Variants in MICAL2 observed in about 807,000 individuals in gnomAD.
MICAL2 encodes the protein microtubule associated monooxygenase, calponin and LIM domain containing 2, also known as [F-actin]-monooxygenase MICAL2.
Under a neutral mutation model 127.3 loss-of-function variants are expected in MICAL2, and 77 were observed. The ratio of observed to expected loss-of-function variants is 0.60; its 90% confidence interval spans 0.50 to 0.73. The LOEUF (loss-of-function observed/expected upper bound fraction) is 0.73. Ranked by LOEUF, MICAL2 falls within the 30% of genes least tolerant of loss-of-function variation. MICAL2 has a pLI of 0.00. For synonymous variants in MICAL2, 570 were observed against 551.1 expected, an observed-to-expected ratio of 1.03 and a Z score of -0.48; for missense variants, 1,351 against 1,434.4, an observed-to-expected ratio of 0.94 and a Z score of 0.94.
rs115811924 is a variant in MICAL2, at chr11:12,119,648, C to A, written c.-149+8922C>A. Among the ~76,000 whole-genome samples, 994 of 152,302 alleles carry A rather than the reference C, an allele frequency of 6.5e-3. 15 individuals carry two copies. Among genetic ancestry groups the A allele is most frequent in the African/African-American group, 0.023 (939 of 41,576 alleles). On this transcript the variant is annotated intron_variant, in intron 1 of 27. Transcript: ENST00000683283. Reference sequence around the variant, plus strand: ...GTGGTTGAGGCCCGCCCTCATAGGCCGCCTGCGGATTGGCTGGGAGATCTC... The same window carrying A: ...GTGGTTGAGGCCCGCCCTCATAGGCAGCCTGCGGATTGGCTGGGAGATCTC...
chr11:12,231,436 T>G (rs1484001253), intron 15 of MICAL2, among the ~76,000 whole-genome samples: 1 of 152,020 alleles, frequency 6.6e-6, no homozygotes, highest in Non-Finnish European at 1.5e-5. Context: ...GTGGTCCAGG[T>G]CCCCCTCCCC....
chr11:12,277,299 C>T (rs572471963), intron 1 of MICAL2, among the ~76,000 whole-genome samples: 23 of 152,008 alleles, frequency 1.5e-4, no homozygotes, highest in Non-Finnish European at 2.6e-4. Flanking sequence ...GGCTTGACAA[C>T]GCACAGTGCT....
At chr11:12,206,478 G>C (rs1281523613) in intron 4 of MICAL2, among the ~76,000 whole-genome samples, 1 of 152,198 alleles carries the variant, frequency 6.6e-6, no homozygotes, top group African/African-American at 2.4e-5. Context: ...GAACCGTACT[G>C]AGTAGGAACC....
At chr11:12,320,426 T>A (rs1864279989) in intron 30 of MICAL2, among the ~76,000 whole-genome samples, 1 of 152,270 alleles carries the variant, frequency 6.6e-6, no homozygotes, top group Non-Finnish European at 1.5e-5. Context: ...TATAAATGTG[T>A]CTGTATGTCA....
rs1420986802 is a variant in MICAL2, at chr11:12,244,261, G to A, written c.2784+149G>A. On this transcript the variant is annotated intron_variant, in intron 21 of 27. Transcript: ENST00000683283. ...TTACACCAGTGCTGGATTCAATTTT[G>A]TTTTTGTGTTAGAGCACACAACACG... The A allele has an allele frequency of 4.5e-5, 52 of 1,157,786 alleles. No individual in the cohort carries two copies. In the South Asian group the frequency reaches 6.6e-4, roughly 15 times the overall value. The allele number at this position is 1,157,786 out of a possible 1,614,324, so 71.7% of individuals were successfully genotyped here. A position where few individuals can be genotyped will look rare whatever the true frequency, so the allele number is the denominator to read the frequency against.
intron 30 of MICAL2, among the ~76,000 whole-genome samples, chr11:12,321,707 G>A (rs1202461283): frequency 1.3e-5 from 2 of 152,074 alleles, no homozygotes; most frequent in African/African-American, 2.4e-5. Flanking sequence ...TTAATAAAAG[G>A]CAATACATGA....
intron 32 of MICAL2, among the ~76,000 whole-genome samples, chr11:12,344,978 G>A (rs549863976): frequency 6.6e-6 from 1 of 151,856 alleles, no homozygotes; most frequent in East Asian, 2.0e-4. Context: ...CTGGTGTTGT[G>A]GTGGGCGCCT....
At chr11:12,180,770 T>TTAGCATC (rs1857362939) in intron 3 of MICAL2, among the ~76,000 whole-genome samples, 1 of 150,590 alleles carries the variant, frequency 6.6e-6, no homozygotes, top group Non-Finnish European at 1.5e-5. Context: ...GTCCTAGACT[T>TTAGCATC]TAGTTGCTCA....
At chr11:12,298,605 A>G (rs1864012621) in intron 29 of MICAL2, among the ~76,000 whole-genome samples, 1 of 152,162 alleles carries the variant, frequency 6.6e-6, no homozygotes, top group South Asian at 2.1e-4. Flanking sequence ...TTCCCAGTTA[A>G]GCATGGTAAC....
At position 12,261,984 on chromosome 11, in the gene MICAL2, G is replaced by C. The variant is rs538506324; in HGVS notation, c.3335-496G>C. On this transcript the variant is annotated intron_variant, in intron 26 of 27. Coordinates refer to ENST00000683283, the MANE Select transcript of MICAL2 (RefSeq NM_001282663.2). ...AGGATAGGCTGAGATGCTTTGTGGA[G>C]TGTTCCATGAAGCCCGAGTCGGAAT... 6.0e-6 allele frequency: 6 copies of C among 998,904 alleles called. No individual in the cohort carries two copies. The African/African-American group carries it at 1.0e-4, about 17-fold the overall frequency. 61.9% of individuals were successfully genotyped at this position (998,904 alleles called of 1,614,324 possible). A position where few individuals can be genotyped will look rare whatever the true frequency, so the allele number is the denominator to read the frequency against.
At chr11:12,199,379 C>T (rs536761001) in intron 3 of MICAL2, among the ~76,000 whole-genome samples, 7 of 152,268 alleles carry the variant, frequency 4.6e-5, no homozygotes, top group Admixed American at 2.6e-4. Flanking sequence ...AGCTGGAGAA[C>T]GCCACACCCT....
intron 2 of MICAL2, among the ~76,000 whole-genome samples, chr11:12,149,296 C>T (rs1378098677): frequency 4.6e-5 from 7 of 152,072 alleles, no homozygotes; most frequent in East Asian, 1.9e-4. Context: ...GGCTGGATCA[C>T]GAAGGTAGTT....
downstream of MICAL2, among the ~76,000 whole-genome samples, chr11:12,267,200 G>A (rs998278742): frequency 2.6e-5 from 4 of 152,108 alleles, no homozygotes; most frequent in Non-Finnish European, 2.9e-5. Flanking sequence ...GTGAGTGCCC[G>A]AGTCTCAGCA....
intron 22 of MICAL2, chr11:12,252,614 G>C (rs1861699986): frequency 3.3e-5 from 5 of 152,224 alleles, no homozygotes; most frequent in Admixed American, 3.3e-4. Context: ...TCCCTGCTCA[G>C]CCCTATTTAG....
intron 33 of MICAL2, among the ~76,000 whole-genome samples, chr11:12,350,908 C>G (rs1939032644): frequency 6.6e-6 from 1 of 152,144 alleles, no homozygotes; most frequent in Non-Finnish European, 1.5e-5. Flanking sequence ...TGCAGAAACA[C>G]AAGGAAGGAC....
chr11:12,141,729 G>A lies in MICAL2; in HGVS notation c.-78+3269G>A, dbSNP rs1391520340. On this transcript the variant is annotated intron_variant, in intron 2 of 27. Transcript: ENST00000683283. ...GGATTGTACTGAATTTTTGATCAGA[G>A]GGTAGTCAATATGTTCTTAAGAATA... Among the ~76,000 whole-genome samples the A allele has an allele frequency of 4.6e-5, 7 of 152,170 alleles. No individual in the cohort carries two copies. The East Asian group carries it at 1.3e-3, about 29-fold the overall frequency.
At chr11:12,115,487 T>C (rs11022182) in intron 1 of MICAL2, among the ~76,000 whole-genome samples, 2 of 152,176 alleles carry the variant, frequency 1.3e-5, no homozygotes, top group Non-Finnish European at 2.9e-5. Context: ...TTAATTTTTA[T>C]TTTTTATTTT....
chr11:12,198,375 C>A (rs966131679), intron 3 of MICAL2, among the ~76,000 whole-genome samples: 1 of 152,176 alleles, frequency 6.6e-6, no homozygotes, highest in Non-Finnish European at 1.5e-5. Context: ...ATGAGTAAAC[C>A]CCAGCACTGC....
intron 12 of MICAL2, among the ~76,000 whole-genome samples, chr11:12,223,953 C>T (rs1030059653): frequency 7.2e-5 from 11 of 151,932 alleles, no homozygotes; most frequent in Non-Finnish European, 2.9e-5. Context: ...CTCCCAGCGC[C>T]CAGCTCAGCT....
Sources: gnomAD v4.1 joint callset for allele counts (sites outside exome capture counted in the v4.1 genomes callset) on GRCh38, gnomAD v4.1.1 for gene constraint, MANE v1.5 for transcripts, NCBI Gene and HGNC (gene_info 2026-07-23, HGNC 2026-07-21) for gene names.